KAT6B: variants seen among roughly 807,000 people sequenced by gnomAD.
KAT6B encodes the protein histone acetyltransferase KAT6B.
KAT6B carries 10 observed loss-of-function variants against 187.5 expected under a neutral mutation model. That is an observed-to-expected ratio of 0.05 (90% confidence interval 0.03 to 0.09). The LOEUF (loss-of-function observed/expected upper bound fraction) is 0.09. Among genes scored for constraint, KAT6B ranks in the 10% least tolerant of loss-of-function variants. KAT6B has a pLI of 1.00. For synonymous variants in KAT6B, 861 were observed against 926.8 expected, an observed-to-expected ratio of 0.93 and a Z score of 1.29; for missense variants, 1,952 against 2,558.9, an observed-to-expected ratio of 0.76 and a Z score of 5.12.
intron 3 of KAT6B, among the ~76,000 whole-genome samples, chr10:74,931,481 A>T (rs1848871356): frequency 6.6e-6 from 1 of 152,244 alleles, no homozygotes; most frequent in Admixed American, 6.5e-5. Context: ...ATCCATCTAT[A>T]TAGCTTTAAT....
intron 3 of KAT6B, among the ~76,000 whole-genome samples, chr10:74,909,396 A>C (rs1847029929): frequency 6.6e-6 from 1 of 152,216 alleles, no homozygotes; most frequent in Non-Finnish European, 1.5e-5. Flanking sequence ...ATATAATGTA[A>C]GGCAAGGCCT....
intron 3 of KAT6B, among the ~76,000 whole-genome samples, chr10:74,947,315 A>G (rs1840020937): frequency 6.6e-6 from 1 of 152,230 alleles, no homozygotes; most frequent in Non-Finnish European, 1.5e-5. Context: ...CAAACAAACT[A>G]AAAACAACAA....
intron 2 of KAT6B, among the ~76,000 whole-genome samples, chr10:74,841,717 TA>T (rs1841758145): frequency 6.6e-6 from 1 of 152,228 alleles, no homozygotes; most frequent in Non-Finnish European, 1.5e-5. Flanking sequence ...GCACACTCTG[TA>T]CAGTTTAAAC....
At chr10:74,892,450 A>G (rs1048100445) in intron 3 of KAT6B, among the ~76,000 whole-genome samples, 1 of 152,220 alleles carries the variant, frequency 6.6e-6, no homozygotes, top group Non-Finnish European at 1.5e-5. Context: ...CTGGTTGCAC[A>G]CATCAGTGTT....
intron 13 of KAT6B, among the ~76,000 whole-genome samples, chr10:74,998,683 C>T (rs964473720): frequency 6.6e-6 from 1 of 152,188 alleles, no homozygotes; most frequent in Non-Finnish European, 1.5e-5. Context: ...CTTTGGGAGA[C>T]TGAGGCAGGA....
chr10:74,895,823 G>T (rs1183318140), intron 3 of KAT6B, among the ~76,000 whole-genome samples: 3 of 152,014 alleles, frequency 2.0e-5, no homozygotes, highest in Non-Finnish European at 4.4e-5. Context: ...CCTTAATCTT[G>T]TTCCTATCAA....
chr10:74,920,000 T>G (rs1413513294), intron 3 of KAT6B, among the ~76,000 whole-genome samples: 1 of 152,232 alleles, frequency 6.6e-6, no homozygotes, highest in Non-Finnish European at 1.5e-5. Flanking sequence ...ACCTGTATTT[T>G]CAATATCTGA....
chr10:74,846,051 A>T (rs1842079061), intron 3 of KAT6B, among the ~76,000 whole-genome samples: 1 of 151,900 alleles, frequency 6.6e-6, no homozygotes, highest in Non-Finnish European at 1.5e-5. Flanking sequence ...TTTTGTAAAG[A>T]TGAGGTTTCT....
chr10:74,936,776 A>G (rs1849307872), intron 3 of KAT6B, among the ~76,000 whole-genome samples: 1 of 152,210 alleles, frequency 6.6e-6, no homozygotes, highest in Admixed American at 6.5e-5. Context: ...CCATGGGTAT[A>G]AAACTTAATT....
intron 2 of KAT6B, among the ~76,000 whole-genome samples, chr10:74,841,342 G>A (rs1841729329): frequency 6.6e-6 from 1 of 152,188 alleles, no homozygotes. Flanking sequence ...GAGAGGCCGA[G>A]GTGGGCTGAG....
At chr10:74,960,842 G>A (rs1841049658) in intron 4 of KAT6B, among the ~76,000 whole-genome samples, 1 of 152,228 alleles carries the variant, frequency 6.6e-6, no homozygotes, top group Admixed American at 6.5e-5. Context: ...AATGTCAGCA[G>A]TGTTATGGTT....
At chr10:75,007,422 G>A (rs889217268) in intron 13 of KAT6B, among the ~76,000 whole-genome samples, 3 of 152,150 alleles carry the variant, frequency 2.0e-5, no homozygotes, top group Admixed American at 6.5e-5. Context: ...AAAGAAAGGG[G>A]TGAAGGTGGA....
chr10:75,006,449 T>A (rs918209731), intron 13 of KAT6B, among the ~76,000 whole-genome samples: 1 of 152,198 alleles, frequency 6.6e-6, no homozygotes, highest in African/African-American at 2.4e-5. Flanking sequence ...TTTTATTTTT[T>A]AAATTTTTAA....
At position 74,975,822 on chromosome 10, in the gene KAT6B, A is replaced by AC; in HGVS notation, c.1490dup (p.Thr498AsnfsTer40). On this transcript the variant is annotated frameshift_variant, in exon 8 of 18. Transcript: ENST00000287239. LOFTEE classifies it high-confidence loss of function. Reference sequence around the variant, plus strand: ...TAAAACCTCCACCTTCTTCACTTCCACCCCCAACCCCCATCTCCGGTCAGA... The same window carrying AC: ...TAAAACCTCCACCTTCTTCACTTCCACCCCCCAACCCCCATCTCCGGTCAGA... 1 of 1,613,796 alleles carries AC rather than the reference A, an allele frequency of 6.2e-7. No homozygotes were observed. Among genetic ancestry groups the AC allele is most frequent in the Non-Finnish European group, 8.5e-7 (1 of 1,179,962 alleles).
intron 3 of KAT6B, among the ~76,000 whole-genome samples, chr10:74,895,366 A>ATTG (rs1300931793): frequency 7.3e-5 from 11 of 151,242 alleles, no homozygotes; most frequent in African/African-American, 2.7e-4. Context: ...TAATCATATT[A>ATTG]TTATTATTAT....
chr10:74,943,287 A>C (rs1849832569), intron 3 of KAT6B, among the ~76,000 whole-genome samples: 1 of 152,240 alleles, frequency 6.6e-6, no homozygotes, highest in Non-Finnish European at 1.5e-5. Context: ...CCTGTACCCC[A>C]AAAACTGTAA....
At chr10:74,885,836 A>T (rs1366631717) in intron 3 of KAT6B, among the ~76,000 whole-genome samples, 2 of 151,390 alleles carry the variant, frequency 1.3e-5, no homozygotes, top group Non-Finnish European at 2.9e-5. Context: ...GGTTCAAGCG[A>T]TTCTACTGCC....
Position 74,842,782 on chromosome 10 carries a change from C to A in KAT6B, c.-76C>A. On this transcript the variant is annotated 5_prime_UTR_variant, in exon 3 of 18. Coordinates refer to ENST00000287239, the MANE Select transcript of KAT6B (RefSeq NM_012330.4). ...CATTTGTTGAATTGTAAATGACTTT[C>A]AAATGTGCAAGTTCTGTTAAATACA... 1.3e-6 allele frequency: 2 copies of A among 1,515,822 alleles called. No individual in the cohort carries two copies. Among genetic ancestry groups the A allele is most frequent in the Non-Finnish European group, 1.8e-6 (2 of 1,096,774 alleles). The allele number at this position is 1,515,822 out of a possible 1,614,324, so 93.9% of individuals were successfully genotyped here.
intron 12 of KAT6B, among the ~76,000 whole-genome samples, chr10:74,985,768 C>T (rs984608027): frequency 1.3e-5 from 2 of 152,196 alleles, no homozygotes; most frequent in East Asian, 1.9e-4. Flanking sequence ...AAGTATCAGC[C>T]GGGCTCAGTG....
Sources: gnomAD v4.1 joint callset for allele counts (sites outside exome capture counted in the v4.1 genomes callset) on GRCh38, gnomAD v4.1.1 for gene constraint, MANE v1.5 for transcripts, NCBI Gene and HGNC (gene_info 2026-07-23, HGNC 2026-07-21) for gene names.